Variants in PACRG observed in about 807,000 individuals in gnomAD.
PACRG encodes parkin coregulated, also known as parkin coregulated gene protein.
In PACRG, 29 loss-of-function variants were observed where a neutral mutation model predicts 29.7. The ratio of observed to expected loss-of-function variants is 0.98; its 90% CI spans 0.73 to 1.33. The LOEUF (loss-of-function observed/expected upper bound fraction) is 1.33, where lower values mean the gene tolerates loss of function less well. Ranked by LOEUF, PACRG falls within the 40% of genes most tolerant of loss-of-function variation. The pLI is 0.00. For missense variants in PACRG, 279 were observed against 316.2 expected, an observed-to-expected ratio of 0.88 and a Z score of 0.89; for synonymous variants, 116 against 118.7, an observed-to-expected ratio of 0.98 and a Z score of 0.15.
intron 4 of PACRG, among the ~76,000 whole-genome samples, chr6:163,200,576 G>T (rs577055111): frequency 6.6e-6 from 1 of 152,064 alleles, no homozygotes; most frequent in Non-Finnish European, 1.5e-5. Flanking sequence ...ATTGAATTTC[G>T]TGAGCAGCAT....
chr6:162,995,447 G>A (rs1486107536), intron 2 of PACRG, among the ~76,000 whole-genome samples: 2 of 152,162 alleles, frequency 1.3e-5, no homozygotes, highest in Non-Finnish European at 2.9e-5. Context: ...CTCGTGGTGC[G>A]CCGTTTTTTA....
chr6:162,765,666 T>A (rs1169132325), intron 1 of PACRG, among the ~76,000 whole-genome samples: 2 of 152,220 alleles, frequency 1.3e-5, no homozygotes, highest in Non-Finnish European at 2.9e-5. Context: ...TAAAATAATC[T>A]CTTTTTCTCA....
chr6:163,022,430 A>G (rs1009196949), intron 2 of PACRG, among the ~76,000 whole-genome samples: 2 of 152,212 alleles, frequency 1.3e-5, no homozygotes, highest in African/African-American at 2.4e-5. Context: ...AGATAAAAGC[A>G]GTCACCTCAG....
intron 4 of PACRG, among the ~76,000 whole-genome samples, chr6:163,274,994 C>T (rs868357478): frequency 6.6e-6 from 1 of 151,624 alleles, no homozygotes; most frequent in Non-Finnish European, 1.5e-5. Context: ...TCCCAAGTAG[C>T]TGAGATTACA....
chr6:163,233,221 T>A (rs897719094), intron 4 of PACRG, among the ~76,000 whole-genome samples: 1 of 152,224 alleles, frequency 6.6e-6, no homozygotes, highest in Non-Finnish European at 1.5e-5. Flanking sequence ...GTTTTCTACA[T>A]CTCTGTTAGG....
rs114948685 is a variant in PACRG at position 163,258,884 on chromosome 6, G to A, written c.614-55943G>A. Among the ~76,000 whole-genome samples the A allele has an allele frequency of 3.2e-3, 492 of 152,152 alleles. 2 individuals are homozygous for A. Among genetic ancestry groups the A allele is most frequent in the African/African-American group, 0.011 (465 of 41,496 alleles). On this transcript the variant is annotated intron_variant, in intron 4 of 4. Transcript: ENST00000366888. ...ACTTCTGGCAAAAGCACTAGCTTTCGGTATCAACATCATTATGATAAAAAT... is the reference window on the plus strand; with the variant it reads ...ACTTCTGGCAAAAGCACTAGCTTTCAGTATCAACATCATTATGATAAAAAT...
rs1783744258 is a variant in PACRG, at chr6:162,777,534, A to G, written c.157-36613A>G. Among the ~76,000 whole-genome samples the G allele has an allele frequency of 6.6e-6, 1 of 152,186 alleles. No individual in the cohort carries two copies. Among genetic ancestry groups the G allele is most frequent in the South Asian group, 2.1e-4 (1 of 4,832 alleles). Reference sequence around the variant, plus strand: ...CTTTGGTGAGATGTTGGATTTGGTCATGGTGCTATTTATTGTTATTATTAA... The same window carrying G: ...CTTTGGTGAGATGTTGGATTTGGTCGTGGTGCTATTTATTGTTATTATTAA... On this transcript the variant is annotated intron_variant, in intron 1 of 4. Coordinates refer to ENST00000366888, the MANE Select transcript of PACRG (RefSeq NM_001080379.2). This position sits in a 1 kb window ranked among gnomAD's most constrained non-coding sequence, Gnocchi z 4.0.
rs536140470 is a variant in PACRG at position 163,014,451 on chromosome 6, G to A, written c.292-47699G>A. 2.0e-5 allele frequency among the ~76,000 whole-genome samples: 3 copies of A among 152,116 alleles called. No homozygotes were observed. The East Asian group carries it at 5.8e-4, about 29-fold the overall frequency. On this transcript the variant is annotated intron_variant, in intron 2 of 4. Transcript: ENST00000366888. ...CTCCAAACTGTTTTCCACAGTGGCT[G>A]AACTAATTTACATTCTCACCAACAG...
At chr6:163,076,098 C>T (rs1812515000) in intron 3 of PACRG, among the ~76,000 whole-genome samples, 1 of 152,190 alleles carries the variant, frequency 6.6e-6, no homozygotes, top group African/African-American at 2.4e-5. Flanking sequence ...ATTATGAATA[C>T]ATTTTACAGC....
chr6:162,852,005 GAGGAAGGA>G (rs749750362), intron 2 of PACRG, among the ~76,000 whole-genome samples: 88 of 116,112 alleles, frequency 7.6e-4, no homozygotes, highest in South Asian at 3.6e-3. Context: ...GGGAGGGAGG[GAGGAAGGA>G]AGGAAGGAAG....
At chr6:163,099,780 G>A (rs1307273651) in intron 4 of PACRG, among the ~76,000 whole-genome samples, 1 of 152,198 alleles carries the variant, frequency 6.6e-6, no homozygotes, top group African/African-American at 2.4e-5. Context: ...AGCTAAGCTT[G>A]ACTGGATGGA....
At chr6:162,787,578 GTGTGTATATATATATATA>G (rs1480815243) in intron 1 of PACRG, among the ~76,000 whole-genome samples, 15 of 51,452 alleles carry the variant, frequency 2.9e-4, no homozygotes, top group African/African-American at 1.4e-3. Flanking sequence ...GTGTGTGTGT[GTGTGTATATATATATATA>G]TATATATATA....
At chr6:162,759,286 C>A (rs767037045) in intron 1 of PACRG, among the ~76,000 whole-genome samples, 55 of 152,146 alleles carry the variant, frequency 3.6e-4, no homozygotes, top group Non-Finnish European at 6.0e-4. Flanking sequence ...CCAATTCATA[C>A]ATTGTCTTCT....
chr6:162,772,310 G>A (rs1207163728), intron 1 of PACRG, among the ~76,000 whole-genome samples: 1 of 152,130 alleles, frequency 6.6e-6, no homozygotes, highest in Non-Finnish European at 1.5e-5. Flanking sequence ...ATGCGGTAAA[G>A]CTTCCAGGGG....
chr6:162,763,325 T>C (rs111377989), intron 1 of PACRG, among the ~76,000 whole-genome samples: 174 of 152,272 alleles, frequency 1.1e-3, no homozygotes, highest in African/African-American at 3.9e-3. Flanking sequence ...GAAGGAGGGA[T>C]GTGGAGGCAA....
intron 4 of PACRG, among the ~76,000 whole-genome samples, chr6:163,140,066 G>A (rs1475720207): frequency 6.6e-6 from 1 of 152,164 alleles, no homozygotes; most frequent in African/African-American, 2.4e-5. Context: ...TCCCCTTGAG[G>A]ATGATCAGCT....
chr6:162,860,114 TA>T (rs1791741128), intron 2 of PACRG, among the ~76,000 whole-genome samples: 1 of 152,174 alleles, frequency 6.6e-6, no homozygotes, highest in African/African-American at 2.4e-5. Context: ...GACTAGTTTT[TA>T]TACAGATATT....
At chr6:162,754,946 TAA>T (rs1328452137) in intron 1 of PACRG, among the ~76,000 whole-genome samples, 1 of 152,172 alleles carries the variant, frequency 6.6e-6, no homozygotes, top group African/African-American at 2.4e-5. Flanking sequence ...TACAGGCATG[TAA>T]AAGTCTTATT....
Position 162,756,661 on chromosome 6 carries a change from G to A in PACRG, c.156+28270G>A, listed in dbSNP as rs116815019. Among the ~76,000 whole-genome samples the A allele has an allele frequency of 4.5e-3, 688 of 152,102 alleles. 1 individual carries two copies. Among genetic ancestry groups the A allele is most frequent in the African/African-American group, 0.016 (659 of 41,498 alleles). ...TTACATTTAAGGTAATTATTGCAAG[G>A]TAAGGGCTTGCTATTGCCATTTTGT... On this transcript the variant is annotated intron_variant, in intron 1 of 4. Coordinates refer to ENST00000366888, the MANE Select transcript of PACRG (RefSeq NM_001080379.2).
Sources: gnomAD v4.1 joint callset for allele counts (sites outside exome capture counted in the v4.1 genomes callset) on GRCh38, gnomAD v4.1.1 for gene constraint, Gnocchi (gnomAD v3.1) non-coding constraint, MANE v1.5 for transcripts, NCBI Gene and HGNC (gene_info 2026-07-23, HGNC 2026-07-21) for gene names.